TMEM161B: variants seen among roughly 807,000 people sequenced by gnomAD.
TMEM161B encodes transmembrane protein 161B.
Under a neutral mutation model 61.8 loss-of-function variants are expected in TMEM161B, and 34 were observed. The ratio of observed to expected loss-of-function variants is 0.55; its 90% CI spans 0.42 to 0.73. TMEM161B has a LOEUF of 0.73. Ranked by LOEUF, TMEM161B falls within the 30% of genes least tolerant of loss-of-function variation. TMEM161B has a pLI of 0.00. For missense variants in TMEM161B, 456 were observed against 558.5 expected, an observed-to-expected ratio of 0.82 and a Z score of 1.85; for synonymous variants, 167 against 192.8, an observed-to-expected ratio of 0.87 and a Z score of 1.11.
chr5:88,218,470 C>T (rs561565258), intron 5 of TMEM161B, among the ~76,000 whole-genome samples: 1 of 152,086 alleles, frequency 6.6e-6, no homozygotes, highest in East Asian at 1.9e-4. Context: ...AACGATAATG[C>T]AGAGAAAAAA....
chr5:88,206,018 T>G, intron 7 of TMEM161B, 64 bp from the exon 8 acceptor site: 1 of 1,241,118 alleles, frequency 8.1e-7, no homozygotes, highest in Non-Finnish European at 1.1e-6. Context: ...GAATTTCTTT[T>G]CTTCTAATCA....
At chr5:88,268,613 G>T (rs1756742993) in intron 1 of TMEM161B, 108 bp downstream of exon 1, 2 of 1,520,044 alleles carry the variant, frequency 1.3e-6, no homozygotes, top group African/African-American at 2.7e-5. Context: ...TCATCCCAAC[G>T]TCTCAACTCC....
At chr5:88,228,417 A>C in intron 3 of TMEM161B, 28 bp downstream of exon 3, 1 of 1,457,366 alleles carries the variant, frequency 6.9e-7, no homozygotes, top group Non-Finnish European at 9.5e-7. Context: ...TTAAATATTT[A>C]TTACTTTACA....
chr5:88,225,671 T>C (rs1580521745), intron 4 of TMEM161B, 98 bp downstream of exon 4: 1 of 684,676 alleles, frequency 1.5e-6, no homozygotes, highest in Non-Finnish European at 2.4e-6. Context: ...AAAGATTCCA[T>C]ATTCTCTATA....
chr5:88,266,478 T>C (rs974822964), intron 1 of TMEM161B, among the ~76,000 whole-genome samples: 2 of 152,090 alleles, frequency 1.3e-5, no homozygotes, highest in African/African-American at 2.4e-5. Context: ...CTCAAAAATG[T>C]TGAGTAGTCA....
At chr5:88,250,094 A>G (rs1754131290) in intron 1 of TMEM161B, among the ~76,000 whole-genome samples, 1 of 152,140 alleles carries the variant, frequency 6.6e-6, no homozygotes, top group Admixed American at 6.5e-5. Context: ...CTAGACTCAT[A>G]AATCTTTTTT....
intron 9 of TMEM161B, chr5:88,202,543 G>A: frequency 5.5e-6 from 1 of 183,448 alleles, no homozygotes; most frequent in Non-Finnish European, 1.1e-5. Context: ...AAGAATGGAT[G>A]AAGCAAATAT....
chr5:88,198,885 G>T, intron 10 of TMEM161B, 91 bp downstream of exon 10: 3 of 1,075,328 alleles, frequency 2.8e-6, no homozygotes, highest in Non-Finnish European at 4.0e-6. Flanking sequence ...ATGATGGGTT[G>T]AAATACTATC....
At chr5:88,255,214 T>C (rs532734117) in intron 1 of TMEM161B, among the ~76,000 whole-genome samples, 27 of 152,244 alleles carry the variant, frequency 1.8e-4, no homozygotes, top group Admixed American at 1.8e-3. Flanking sequence ...GACTGTCTAA[T>C]CCAGAAGAGA....
At chr5:88,190,363 A>G, downstream of TMEM161B, 2 of 662,826 alleles carry the variant, frequency 3.0e-6, no homozygotes, top group Non-Finnish European at 5.5e-6. Context: ...CTCCTGACCT[A>G]GATGGGTGGT....
chr5:88,223,481 T>C (rs1162500268), intron 4 of TMEM161B, among the ~76,000 whole-genome samples: 1 of 151,842 alleles, frequency 6.6e-6, no homozygotes, highest in East Asian at 1.9e-4. Context: ...CATATAGGAG[T>C]AGTGAAACAA....
intron 1 of TMEM161B, among the ~76,000 whole-genome samples, chr5:88,251,960 G>C (rs1318939822): frequency 1.3e-5 from 2 of 152,114 alleles, no homozygotes; most frequent in African/African-American, 2.4e-5. Flanking sequence ...CTTGTTGAAT[G>C]AATGAACAGG....
At position 88,197,796 on chromosome 5, in the gene TMEM161B, T is replaced by C. The variant is rs961628505; in HGVS notation, c.1090-31A>G. On this transcript the variant is annotated intron_variant, in intron 10 of 11. Coordinates refer to ENST00000296595, the MANE Select transcript of TMEM161B (RefSeq NM_153354.5). ...ACCAACAACATTCTTAAGTGTCTAA[T>C]GCAACTGACATGTTAGGAGTGAATT... The C allele has an allele frequency of 5.1e-6, 8 of 1,573,446 alleles. No homozygotes were observed. In the African/African-American group the frequency reaches 5.4e-5, roughly 11 times the overall value.
intron 1 of TMEM161B, among the ~76,000 whole-genome samples, chr5:88,244,745 T>C (rs1753330467): frequency 6.6e-6 from 1 of 151,956 alleles, no homozygotes; most frequent in Admixed American, 6.6e-5. Context: ...TATGGCCATT[T>C]GGACAATATT....
chr5:88,205,491 T>C (rs1745284126), intron 8 of TMEM161B, among the ~76,000 whole-genome samples: 1 of 152,064 alleles, frequency 6.6e-6, no homozygotes, highest in Non-Finnish European at 1.5e-5. Context: ...TCTTATTTTT[T>C]AAGGGAAATT....
chr5:88,247,809 C>T (rs1753808037), intron 1 of TMEM161B, among the ~76,000 whole-genome samples: 2 of 152,078 alleles, frequency 1.3e-5, no homozygotes, highest in African/African-American at 4.8e-5. Flanking sequence ...AGACAATTTC[C>T]AACTCAATGC....
At position 88,199,012 on chromosome 5, in the gene TMEM161B, T is replaced by C. The variant is rs1302561872; in HGVS notation, c.1053A>G (p.Glu351=). The C allele has an allele frequency of 1.2e-6, 2 of 1,613,104 alleles. No individual in the cohort carries two copies. Among genetic ancestry groups the C allele is most frequent in the Non-Finnish European group, 8.5e-7 (1 of 1,179,428 alleles). ...GCTCAACCGTGCTTATTCGCCCCGC[T>C]TCTTTCTTCATCTGATCCACACATT... ...AQKCVDQMKK[E]AGRISTVELQ... Residue 351 remains glutamate, a synonymous_variant, in exon 10 of 12, where the codon GAA becomes GAG. Transcript: ENST00000296595.
chr5:88,191,003 C>T (rs1261424361), downstream of TMEM161B, among the ~76,000 whole-genome samples: 1 of 152,096 alleles, frequency 6.6e-6, no homozygotes, highest in Admixed American at 6.6e-5. Context: ...TTATTGTGAA[C>T]TTTAAATATG....
At chr5:88,249,182 T>C (rs1034603027) in intron 1 of TMEM161B, among the ~76,000 whole-genome samples, 3 of 151,980 alleles carry the variant, frequency 2.0e-5, no homozygotes, top group African/African-American at 7.2e-5. Context: ...AAGCAGGAAA[T>C]GGAAAGCTGT....
Sources: gnomAD v4.1 joint callset for allele counts (sites outside exome capture counted in the v4.1 genomes callset) on GRCh38, gnomAD v4.1.1 for gene constraint, MANE v1.5 for transcripts, NCBI Gene and HGNC (gene_info 2026-07-23, HGNC 2026-07-21) for gene names.